The following RBMS3 variants were observed in gnomAD, a reference collection of about 807,000 sequenced individuals.
The protein encoded by RBMS3 is RNA binding motif single stranded interacting protein 3, also known as RNA-binding motif, single-stranded-interacting protein 3.
Under a neutral mutation model 66.8 loss-of-function variants are expected in RBMS3, and 27 were observed. That is an observed-to-expected ratio of 0.40 (90% CI 0.30 to 0.56). The LOEUF (loss-of-function observed/expected upper bound fraction) is 0.56, where lower values mean the gene tolerates loss of function less well. RBMS3 is among the 20% of genes least tolerant of loss of function. RBMS3 has a pLI of 0.40. For missense variants in RBMS3, 513 were observed against 549.5 expected, an observed-to-expected ratio of 0.93 and a Z score of 0.66; for synonymous variants, 188 against 183.0, an observed-to-expected ratio of 1.03 and a Z score of -0.22.
intron 8 of RBMS3, among the ~76,000 whole-genome samples, chr3:29,884,584 C>G (rs1044056749): frequency 2.0e-5 from 3 of 151,078 alleles, no homozygotes; most frequent in African/African-American, 7.3e-5. Context: ...GGTGTGTGCC[C>G]AAGTCAATTT....
At chr3:29,313,367 A>G (rs2034492834) in intron 1 of RBMS3, among the ~76,000 whole-genome samples, 1 of 151,768 alleles carries the variant, frequency 6.6e-6, no homozygotes. Flanking sequence ...CGAGTAGAGA[A>G]AGGAAGTTAA....
intron 12 of RBMS3, among the ~76,000 whole-genome samples, chr3:29,974,704 T>G (rs1697442722): frequency 6.6e-6 from 1 of 151,020 alleles, no homozygotes; most frequent in East Asian, 1.9e-4. Context: ...AAACCTTTTA[T>G]GTCTGCCTTC....
At chr3:29,659,155 A>C (rs1389103128) in intron 4 of RBMS3, among the ~76,000 whole-genome samples, 2 of 152,198 alleles carry the variant, frequency 1.3e-5, no homozygotes, top group Admixed American at 6.5e-5. Context: ...TTGAGAAATA[A>C]GTTATATAGA....
intron 3 of RBMS3, among the ~76,000 whole-genome samples, chr3:29,501,481 C>T (rs970877673): frequency 2.6e-5 from 4 of 152,122 alleles, no homozygotes; most frequent in Admixed American, 6.6e-5. Context: ...CAGTATCACA[C>T]GTAAATTTGT....
chr3:29,948,371 G>T (rs556722046), intron 12 of RBMS3, among the ~76,000 whole-genome samples: 1 of 151,876 alleles, frequency 6.6e-6, no homozygotes, highest in South Asian at 2.1e-4. Flanking sequence ...TCCAAGCAAA[G>T]ATTTAATTGA....
chr3:29,621,615 T>C (rs574154034), intron 4 of RBMS3, among the ~76,000 whole-genome samples: 25 of 152,330 alleles, frequency 1.6e-4, no homozygotes, highest in Middle Eastern at 3.4e-3. Context: ...AACCTATAAC[T>C]TATCAGAAGT....
intron 4 of RBMS3, among the ~76,000 whole-genome samples, chr3:29,695,799 C>T (rs2052245687): frequency 6.6e-6 from 1 of 152,220 alleles, no homozygotes; most frequent in Non-Finnish European, 1.5e-5. Context: ...ACTCTTGCTT[C>T]ATTGAGTTTC....
intron 3 of RBMS3, among the ~76,000 whole-genome samples, chr3:29,540,924 G>T (rs1360504062): frequency 6.6e-6 from 1 of 152,044 alleles, no homozygotes; most frequent in Non-Finnish European, 1.5e-5. Flanking sequence ...GAGTTTTTTC[G>T]GGAAGTGTTT....
At chr3:29,483,429 C>T (rs539323028) in intron 2 of RBMS3, among the ~76,000 whole-genome samples, 1 of 152,114 alleles carries the variant, frequency 6.6e-6, no homozygotes, top group African/African-American at 2.4e-5. Context: ...CAGTGGTTCT[C>T]AAAGCACCAT....
At chr3:29,579,652 C>T (rs1297451773) in intron 3 of RBMS3, among the ~76,000 whole-genome samples, 1 of 152,182 alleles carries the variant, frequency 6.6e-6, no homozygotes. Flanking sequence ...ACTTGTACCT[C>T]CTGCTGTTTT....
chr3:29,535,504 AT>A (rs2045518917), intron 3 of RBMS3, among the ~76,000 whole-genome samples: 1 of 152,042 alleles, frequency 6.6e-6, no homozygotes, highest in African/African-American at 2.4e-5. Flanking sequence ...AATTCTCCTG[AT>A]TAACTTTTTC....
intron 2 of RBMS3, among the ~76,000 whole-genome samples, chr3:29,457,714 C>T (rs1052188660): frequency 6.6e-6 from 1 of 151,986 alleles, no homozygotes; most frequent in Non-Finnish European, 1.5e-5. Flanking sequence ...AGAGTGAGAT[C>T]AGTAACAACA....
At chr3:29,649,023 C>G (rs905349892) in intron 4 of RBMS3, among the ~76,000 whole-genome samples, 1 of 152,174 alleles carries the variant, frequency 6.6e-6, no homozygotes, top group East Asian at 1.9e-4. Context: ...AACATGGTAA[C>G]TTTGTCCTCA....
chr3:29,519,350 C>T (rs930148379), intron 3 of RBMS3, among the ~76,000 whole-genome samples: 8 of 152,054 alleles, frequency 5.3e-5, no homozygotes, highest in Non-Finnish European at 7.4e-5. Flanking sequence ...ACATTGACTC[C>T]GTTGGGTGAT....
At position 29,517,319 on chromosome 3, in the gene RBMS3, A is replaced by AT. The variant is rs140882570; in HGVS notation, c.307+28830dup. Among the ~76,000 whole-genome samples, 114 of 129,522 alleles carry AT rather than the reference A, an allele frequency of 8.8e-4. 1 individual carries two copies. Among genetic ancestry groups the AT allele is most frequent in the South Asian group, 1.5e-3 (6 of 4,084 alleles). The allele number at this position is 129,522 out of a possible 152,430, so 85.0% of individuals were successfully genotyped here. A position where few individuals can be genotyped will look rare whatever the true frequency, so the allele number is the denominator to read the frequency against. On this transcript the variant is annotated intron_variant, in intron 3 of 14. Coordinates refer to ENST00000383767, the MANE Select transcript of RBMS3 (RefSeq NM_001003793.3). ...TGTGTGTGTGTGTGTATATATATAT[A>AT]TTTTTTTTTTGTTTTTTTTTTGAAA... is the stretch of plus-strand genomic sequence containing the variant.
intron 6 of RBMS3, among the ~76,000 whole-genome samples, chr3:29,845,634 C>G (rs1434913657): frequency 1.3e-5 from 2 of 152,030 alleles, no homozygotes; most frequent in African/African-American, 2.4e-5. Flanking sequence ...CTACTGTTTT[C>G]TAGAGGTAAC....
At chr3:29,802,392 A>G (rs1438536230) in intron 6 of RBMS3, among the ~76,000 whole-genome samples, 2 of 152,198 alleles carry the variant, frequency 1.3e-5, no homozygotes, top group Admixed American at 6.6e-5. Flanking sequence ...ATGGATAAAT[A>G]TATCTATTGT....
At chr3:29,936,644 G>T (rs927934254) in intron 11 of RBMS3, among the ~76,000 whole-genome samples, 16 of 152,040 alleles carry the variant, frequency 1.1e-4, no homozygotes, top group African/African-American at 3.6e-4. Context: ...AGTAATTGAG[G>T]TATAATCGAG....
intron 6 of RBMS3, among the ~76,000 whole-genome samples, chr3:29,848,208 C>G (rs560783358): frequency 1.3e-5 from 2 of 152,182 alleles, no homozygotes; most frequent in Non-Finnish European, 2.9e-5. Context: ...AGGTTTCACA[C>G]AGCAGTCAGC....
Sources: gnomAD v4.1 joint callset for allele counts (sites outside exome capture counted in the v4.1 genomes callset) on GRCh38, gnomAD v4.1.1 for gene constraint, MANE v1.5 for transcripts, NCBI Gene and HGNC (gene_info 2026-07-23, HGNC 2026-07-21) for gene names.